The following PDGFRB variants were observed in gnomAD, a reference collection of about 807,000 sequenced individuals.
PDGFRB encodes platelet-derived growth factor receptor beta.
PDGFRB carries 42 observed loss-of-function variants against 120.2 expected under a neutral mutation model. That is an observed-to-expected ratio of 0.35 (90% CI 0.27 to 0.45). The LOEUF (loss-of-function observed/expected upper bound fraction) is 0.45. Ranked by LOEUF, PDGFRB falls within the 20% of genes least tolerant of loss-of-function variation. The probability of loss-of-function intolerance (pLI) is 1.00; values close to 1 mark genes in which losing one functional copy is unlikely to be tolerated. For missense variants in PDGFRB, 1,149 were observed against 1,476.3 expected (o/e 0.78, Z 3.63); for synonymous variants, 586 against 606.8 (o/e 0.97, Z 0.50).
chr5:150,125,694 G>A, intron 11 of PDGFRB, 117 bp from the exon 12 acceptor site: 1 of 912,462 alleles, frequency 1.1e-6, no homozygotes, highest in Non-Finnish European at 1.7e-6. Context: ...AGAGGGGCAG[G>A]GGCATATTTG....
At position 150,134,000 on chromosome 5, in the gene PDGFRB, T is replaced by C; in HGVS notation, c.640A>G (p.Ile214Val). 2 of 1,614,042 alleles carry C rather than the reference T, an allele frequency of 1.2e-6. No individual in the cohort carries two copies. The highest frequency in any genetic ancestry group is 1.7e-6 in the Non-Finnish European group (2 of 1,179,972). ...YYVYRLQVSS[I>V]NVSVNAVQTV... is the part of the protein sequence containing the mutation. ...TGCACTGCGTTCACAGAGACGTTGA[T>C]GGATGACACTGGTAGAGAGAGATTG... The change falls in exon 5 of 23, where the codon ATC (isoleucine) becomes GTC (valine). Residue 214 changes from isoleucine to valine, a missense_variant. By Grantham distance (29) the Ile-to-Val change is conservative (BLOSUM62 3). Transcript: ENST00000261799.
rs763556406 is a variant in PDGFRB, at chr5:150,130,676, G to T, written c.1244-14C>A. On this transcript the variant is annotated splice_polypyrimidine_tract_variant and intron_variant, in intron 8 of 22. Transcript: ENST00000261799. ...CTCGGACAGGGACTGCATGGAGAGA[G>T]CACTGAGTTAGGAGGCGGGAGGGTC... 7.4e-6 allele frequency: 12 copies of T among 1,612,434 alleles called. No homozygotes were observed. The highest frequency in any genetic ancestry group is 2.2e-5 in the South Asian group (2 of 91,002).
At chr5:150,142,656 C>T (rs759684030) in intron 1 of PDGFRB, among the ~76,000 whole-genome samples, 1 of 150,466 alleles carries the variant, frequency 6.6e-6, no homozygotes, top group Non-Finnish European at 1.5e-5. Context: ...GAATACATTC[C>T]AAGGCCCCAG....
At position 150,129,635 on chromosome 5, in the gene PDGFRB, C is replaced by T. The variant is rs141765057; in HGVS notation, c.1579+122G>A. The stretch of plus-strand genomic sequence containing the variant: ...GTACACAACAGGGTTTCACAATGCT[C>T]CTGTTTGCCCCTGGGCATGCTAACT... On this transcript the variant is annotated intron_variant, in intron 10 of 22. Coordinates refer to ENST00000261799, the MANE Select transcript of PDGFRB (RefSeq NM_002609.4). 1,202 of 720,724 alleles carry T rather than the reference C, an allele frequency of 1.7e-3. 12 individuals carry two copies. In the African/African-American group the frequency reaches 0.019, roughly 11 times the overall value. The allele number at this position is 720,724 out of a possible 1,614,324, so 44.6% of individuals were successfully genotyped here. A position where few individuals can be genotyped will look rare whatever the true frequency, so the allele number is the denominator to read the frequency against.
intron 8 of PDGFRB, 43 bp downstream of exon 8, chr5:150,131,936 G>T: frequency 9.8e-7 from 1 of 1,021,756 alleles, no homozygotes; most frequent in Non-Finnish European, 1.6e-6. Context: ...ACGGGGGCAG[G>T]GAGGGGAAGG....
rs189808094 is a variant in PDGFRB at position 150,132,726 on chromosome 5, G to C, written c.1127+24C>G. On this transcript the variant is annotated intron_variant, in intron 7 of 22. Transcript: ENST00000261799. This position sits in a 1 kb window ranked among gnomAD's most constrained non-coding sequence, Gnocchi z 5.0. ...TGCAAAGAAAAATAACTTCAAGAATGGGATGGGAGAGCGAGCTGCTCACCG... is the reference window on the plus strand; with the variant it reads ...TGCAAAGAAAAATAACTTCAAGAATCGGATGGGAGAGCGAGCTGCTCACCG... 8.1e-6 allele frequency: 13 copies of C among 1,599,048 alleles called. No homozygotes were observed. Among genetic ancestry groups the C allele is most frequent in the Non-Finnish European group, 1.0e-5 (12 of 1,170,384 alleles).
intron 1 of PDGFRB, among the ~76,000 whole-genome samples, chr5:150,146,578 CTGT>C (rs1190875281): frequency 6.6e-6 from 1 of 152,214 alleles, no homozygotes; most frequent in Non-Finnish European, 1.5e-5. Context: ...GGGTCTCGCT[CTGT>C]TGCCCACGCT....
At position 150,155,567 on chromosome 5, in the gene PDGFRB, C is replaced by G; in HGVS notation, c.-177G>C. The G allele has an allele frequency of 2.5e-6, 1 of 398,832 alleles. No individual in the cohort carries two copies. Among genetic ancestry groups the G allele is most frequent in the Non-Finnish European group, 4.4e-6 (1 of 226,288 alleles). The allele number at this position is 398,832 out of a possible 1,614,324, so 24.7% of individuals were successfully genotyped here. A position where few individuals can be genotyped will look rare whatever the true frequency, so the allele number is the denominator to read the frequency against. On this transcript the variant is annotated 5_prime_UTR_variant, in exon 1 of 23. Transcript: ENST00000261799. The stretch of plus-strand genomic sequence containing the variant: ...GGACTGGTGCAGGCTCCTGAAGGCT[C>G]AGGAGAACAGAGGGATGGAGGAAGG...
intron 11 of PDGFRB, among the ~76,000 whole-genome samples, chr5:150,126,204 T>G (rs73796321): frequency 0.027 from 4,053 of 152,312 alleles, 177 homozygotes; most frequent in African/African-American, 0.091. Context: ...GGAAGAATCC[T>G]GGAGCCCATG....
intron 11 of PDGFRB, among the ~76,000 whole-genome samples, chr5:150,126,046 GA>G (rs1225304378): frequency 6.6e-6 from 1 of 152,230 alleles, no homozygotes; most frequent in Non-Finnish European, 1.5e-5. Context: ...AGAAAGATGG[GA>G]TCATGAGGTG....
At position 150,132,001 on chromosome 5, in the gene PDGFRB, G is replaced by T. The variant is rs1368861566; in HGVS notation, c.1221C>A (p.Leu407=). The T allele has an allele frequency of 6.3e-7, 1 of 1,595,292 alleles. No homozygotes were observed. Among genetic ancestry groups the T allele is most frequent in the Admixed American group, 1.7e-5 (1 of 59,978 alleles). ...CACCATTGATCTGTAGCTGGAAGGAGAGCTGGACCTCAGCATCCTCATGGA... is the reference window on the plus strand; with the variant it reads ...CACCATTGATCTGTAGCTGGAAGGATAGCTGGACCTCAGCATCCTCATGGA... The part of the protein sequence containing the change: ...RAFHEDAEVQ[L]SFQLQINVPV... Residue 407 remains leucine (L), a synonymous_variant, in exon 8 of 23, where the codon CTC becomes CTA. Coordinates refer to ENST00000261799, the MANE Select transcript of PDGFRB (RefSeq NM_002609.4). The surrounding 1 kb of genome is among the most constrained non-coding windows in gnomAD (Gnocchi z 5.0).
intron 13 of PDGFRB, 49 bp from the exon 14 acceptor site, chr5:150,124,409 G>GACT: frequency 1.5e-6 from 2 of 1,339,488 alleles, no homozygotes; most frequent in Non-Finnish European, 2.1e-6. Context: ...GAGGCTCCAT[G>GACT]GAGGCCCCAC....
At position 150,136,995 on chromosome 5, in the gene PDGFRB, C is replaced by T. The variant is rs1760652142; in HGVS notation, c.40+13G>A. On this transcript the variant is annotated intron_variant, in intron 2 of 22. Coordinates refer to ENST00000261799, the MANE Select transcript of PDGFRB (RefSeq NM_002609.4). ...GCCCCCCGGGTCCCCTACCTTATCT[C>T]CCATCTACCCACCTTTGAGGGCCAG... 1.9e-6 allele frequency: 3 copies of T among 1,611,254 alleles called. No individual in the cohort carries two copies. The highest frequency in any genetic ancestry group is 1.3e-5 in the African/African-American group (1 of 74,984).
intron 12 of PDGFRB, 101 bp from the exon 13 acceptor site, chr5:150,124,932 C>T: frequency 1.7e-6 from 1 of 602,296 alleles, no homozygotes; most frequent in Non-Finnish European, 2.9e-6. Context: ...GCCGCTATCA[C>T]CCTTCCTGCC....
intron 1 of PDGFRB, among the ~76,000 whole-genome samples, chr5:150,142,144 C>T (rs914179914): frequency 1.3e-5 from 2 of 152,162 alleles, no homozygotes; most frequent in African/African-American, 4.8e-5. Flanking sequence ...TCCTGTGCTC[C>T]ATTGTGCTCG....
chr5:150,130,019 AG>A, intron 9 of PDGFRB, 51 bp from the exon 10 acceptor site: 2 of 1,369,796 alleles, frequency 1.5e-6, no homozygotes, highest in South Asian at 2.3e-5. Flanking sequence ...CCTTGCAGAC[AG>A]GGAAACTGAG....
At chr5:150,149,461 C>T (rs1761011752) in intron 1 of PDGFRB, among the ~76,000 whole-genome samples, 1 of 152,178 alleles carries the variant, frequency 6.6e-6, no homozygotes, top group African/African-American at 2.4e-5. Flanking sequence ...ATCTCTGTGC[C>T]CTGGACTAAA....
At chr5:150,139,454 G>C (rs1760721152) in intron 1 of PDGFRB, among the ~76,000 whole-genome samples, 1 of 152,126 alleles carries the variant, frequency 6.6e-6, no homozygotes, top group Non-Finnish European at 1.5e-5. Flanking sequence ...CTGCCTTTCT[G>C]ACAGGCCAAA....
At position 150,135,702 on chromosome 5, in the gene PDGFRB, T is replaced by C. The variant is rs1230244085; in HGVS notation, c.217A>G (p.Met73Val). 6.2e-7 allele frequency: 1 copy of C among 1,614,152 alleles called. No homozygotes were observed. Among genetic ancestry groups the C allele is most frequent in the Non-Finnish European group, 8.5e-7 (1 of 1,180,004 alleles). The change falls in exon 3 of 23, where the codon ATG (methionine) becomes GTG (valine). Residue 73 changes from methionine (M) to valine (V), a missense_variant. Transcript: ENST00000261799. The part of the protein sequence containing the change: ...ERMSQEPPQE[M>V]AKAQDGTFSS... ...AAGGTGCCATCCTGGGCCTTGGCCA[T>C]TTCCTGTGGGGGCTCCTGGGACATC... is the stretch of plus-strand genomic sequence containing the variant.
Sources: allele counts gnomAD v4.1 joint callset (sites outside exome capture counted in the v4.1 genomes callset), GRCh38; gene constraint gnomAD v4.1.1; non-coding constraint Gnocchi (gnomAD v3.1); transcripts MANE v1.5; gene names NCBI Gene and HGNC (gene_info 2026-07-23, HGNC 2026-07-21).